The following CLASP1 variants were observed in gnomAD, a reference collection of about 807,000 sequenced individuals.
CLASP1 encodes the protein cytoplasmic linker associated protein 1, also known as CLIP-associating protein 1.
Under a neutral mutation model 192.3 loss-of-function variants are expected in CLASP1, and 38 were observed. The ratio of observed to expected loss-of-function variants is 0.20; its 90% CI spans 0.15 to 0.26. The LOEUF is 0.26. CLASP1 is among the 10% of genes least tolerant of loss of function. The pLI is 1.00. For missense variants in CLASP1, 1,433 were observed against 1,932.5 expected (o/e 0.74, Z 4.85); for synonymous variants, 691 against 712.8 (o/e 0.97, Z 0.49).
chr2:121,417,446 T>C (rs1477332038), intron 23 of CLASP1, among the ~76,000 whole-genome samples: 1 of 142,830 alleles, frequency 7.0e-6, no homozygotes, highest in Non-Finnish European at 1.5e-5. Context: ...AAATCACCAG[T>C]TCATTCAGAA....
chr2:121,377,524 C>T (rs774450164), exon 34 of CLASP1: 228 of 1,604,862 alleles, frequency 1.4e-4, no homozygotes, highest in African/African-American at 2.8e-4. Flanking sequence ...TTTGCCATCT[C>T]GTTTAATTGG....
chr2:121,363,966 T>G (rs1217327826), intron 36 of CLASP1, among the ~76,000 whole-genome samples: 1 of 152,220 alleles, frequency 6.6e-6, no homozygotes, highest in African/African-American at 2.4e-5. Flanking sequence ...GTTCACACAC[T>G]AATACACCAT....
chr2:121,498,517 AAT>A lies in CLASP1; in HGVS notation c.712+4648_712+4649del, dbSNP rs750781146. 3.3e-5 allele frequency among the ~76,000 whole-genome samples: 5 copies of A among 152,362 alleles called. No individual in the cohort carries two copies. The East Asian group carries it at 9.6e-4, about 29-fold the overall frequency. On this transcript the variant is annotated intron_variant, in intron 8 of 39. Transcript: ENST00000263710. ...CCACTGCACCTGGCCAAATATAGGCAATAGTTTCTTAGGTATGACAAAAGAAA... is the reference window on the plus strand; with the variant it reads ...CCACTGCACCTGGCCAAATATAGGCAAGTTTCTTAGGTATGACAAAAGAAA...
intron 2 of CLASP1, among the ~76,000 whole-genome samples, chr2:121,550,454 G>A (rs973657124): frequency 3.3e-5 from 5 of 151,710 alleles, no homozygotes; most frequent in Non-Finnish European, 5.9e-5. Context: ...CGACAAATCC[G>A]GGAGGTTTTA....
intron 37 of CLASP1, among the ~76,000 whole-genome samples, chr2:121,359,382 T>C (rs2065942765): frequency 6.6e-6 from 1 of 152,256 alleles, no homozygotes; most frequent in African/African-American, 2.4e-5. Flanking sequence ...CCAGGTTTTC[T>C]GCCTCAAGAT....
At chr2:121,602,106 C>G (rs543496873) in intron 2 of CLASP1, among the ~76,000 whole-genome samples, 1 of 150,508 alleles carries the variant, frequency 6.6e-6, no homozygotes, top group African/African-American at 2.5e-5. Context: ...ACCCAGGAGG[C>G]GGAGGTTGCA....
At chr2:121,395,429 A>T (rs1037235914) in intron 30 of CLASP1, among the ~76,000 whole-genome samples, 2 of 152,234 alleles carry the variant, frequency 1.3e-5, no homozygotes, top group Non-Finnish European at 2.9e-5. Flanking sequence ...CATTCAAAAC[A>T]TATCAATGCC....
chr2:121,501,423 T>C (rs1194692866), intron 8 of CLASP1, among the ~76,000 whole-genome samples: 1 of 152,192 alleles, frequency 6.6e-6, no homozygotes, highest in Non-Finnish European at 1.5e-5. Flanking sequence ...GATATGTTTT[T>C]AAAAGCTGAA....
intron 2 of CLASP1, among the ~76,000 whole-genome samples, chr2:121,599,446 G>C (rs2063532038): frequency 6.6e-6 from 1 of 151,348 alleles, no homozygotes; most frequent in African/African-American, 2.4e-5. Context: ...AAATTAGCCA[G>C]GTGTGGTGGT....
chr2:121,470,237 AACC>A (rs2090432514), intron 8 of CLASP1: 2 of 523,948 alleles, frequency 3.8e-6, no homozygotes, highest in East Asian at 5.0e-5. Flanking sequence ...TCTCTCATAA[AACC>A]ACCACCTTGA....
chr2:121,441,080 A>G (rs1021315061), intron 19 of CLASP1, among the ~76,000 whole-genome samples: 1 of 152,146 alleles, frequency 6.6e-6, no homozygotes, highest in African/African-American at 2.4e-5. Context: ...AAACCAGGAG[A>G]AATTCACCCT....
chr2:121,478,898 C>T (rs2092231953), intron 8 of CLASP1, among the ~76,000 whole-genome samples: 2 of 68,998 alleles, frequency 2.9e-5, no homozygotes, highest in East Asian at 4.8e-4. Context: ...CACACACACA[C>T]ACCACACCAC....
At chr2:121,373,518 T>C (rs2069230564) in intron 34 of CLASP1, among the ~76,000 whole-genome samples, 1 of 152,156 alleles carries the variant, frequency 6.6e-6, no homozygotes, top group African/African-American at 2.4e-5. Flanking sequence ...CTGGAACAAT[T>C]TGGAGGGATC....
At chr2:121,396,031 A>G (rs923530272) in intron 30 of CLASP1, among the ~76,000 whole-genome samples, 1 of 152,208 alleles carries the variant, frequency 6.6e-6, no homozygotes, top group Non-Finnish European at 1.5e-5. Context: ...AGGAACCCCA[A>G]TCGAAAAAAC....
intron 39 of CLASP1, among the ~76,000 whole-genome samples, chr2:121,343,860 C>T (rs1456995244): frequency 1.3e-5 from 2 of 152,084 alleles, no homozygotes; most frequent in African/African-American, 2.4e-5. Context: ...CACTTGAGGT[C>T]GAGAGTTCGA....
intron 2 of CLASP1, among the ~76,000 whole-genome samples, chr2:121,601,500 G>A (rs181979283): frequency 6.6e-5 from 10 of 152,238 alleles, no homozygotes; most frequent in African/African-American, 2.4e-4. Context: ...TCGAACTCCT[G>A]ACCTCGTGAT....
chr2:121,518,231 CAAAAA>C (rs35409200), intron 6 of CLASP1, among the ~76,000 whole-genome samples: 2 of 49,580 alleles, frequency 4.0e-5, no homozygotes, highest in African/African-American at 7.1e-5. Flanking sequence ...ACCCCCGTCT[CAAAAA>C]AAAAAAAAAA....
intron 1 of CLASP1, among the ~76,000 whole-genome samples, chr2:121,611,203 G>A (rs111207639): frequency 1.4e-5 from 2 of 139,966 alleles, no homozygotes; most frequent in Non-Finnish European, 3.1e-5. Flanking sequence ...GGAGGAGGAG[G>A]AGGTGGAGGA....
rs139214909 is a variant in CLASP1, at chr2:121,351,736, C to T, written c.4207-3018G>A. On this transcript the variant is annotated intron_variant, in intron 37 of 39. Coordinates refer to ENST00000263710, the Ensembl canonical transcript of CLASP1. ...TATGGATGAATCCCTGGTGGAGCTC[C>T]GGATCAGCATGGCTTAAGGGTAAGT... Among the ~76,000 whole-genome samples the T allele has an allele frequency of 4.4e-3, 665 of 152,296 alleles. 5 individuals carry two copies. Among genetic ancestry groups the T allele is most frequent in the Admixed American group, 8.9e-3 (136 of 15,296 alleles).
Sources: allele counts gnomAD v4.1 joint callset (sites outside exome capture counted in the v4.1 genomes callset), GRCh38; gene constraint gnomAD v4.1.1; transcripts MANE v1.5; gene names NCBI Gene and HGNC (gene_info 2026-07-23, HGNC 2026-07-21).